The following SELENOI variants were observed in gnomAD, a reference collection of about 807,000 sequenced individuals.
The protein encoded by SELENOI is ethanolaminephosphotransferase 1.
SELENOI carries 24 observed loss-of-function variants against 50.7 expected under a neutral mutation model. The ratio of observed to expected loss-of-function variants is 0.47; its 90% CI spans 0.34 to 0.67. SELENOI has a LOEUF of 0.67. Ranked by LOEUF, SELENOI falls within the 30% of genes least tolerant of loss-of-function variation. The pLI, the probability that SELENOI is intolerant of heterozygous loss-of-function variation, is 0.01. For synonymous variants in SELENOI, 155 were observed against 170.2 expected, an observed-to-expected ratio of 0.91 and a Z score of 0.70; for missense variants, 352 against 461.4, an observed-to-expected ratio of 0.76 and a Z score of 2.17.
chr2:26,373,386 AGCTC>A lies in SELENOI; in HGVS notation c.333_336del (p.Arg112GlufsTer8). The A allele has an allele frequency of 6.2e-7, 1 of 1,610,770 alleles. No individual in the cohort carries two copies. The highest frequency in any genetic ancestry group is 8.5e-7 in the Non-Finnish European group (1 of 1,178,138). On this transcript the variant is annotated frameshift_variant, in exon 5 of 10. Coordinates refer to ENST00000260585, the MANE Select transcript of SELENOI (RefSeq NM_033505.4). LOFTEE classifies it high-confidence loss of function. The stretch of plus-strand genomic sequence containing the variant: ...TTGCAGATGGTGTGGACGGAAAGCA[AGCTC>A]GCAGAACCAATTCTAGCACTCCCTT...
Position 26,383,311 on chromosome 2 carries a change from G to A in SELENOI, c.695G>A (p.Cys232Tyr), listed in dbSNP as rs1480569440. 2.0e-6 allele frequency: 3 copies of A among 1,538,406 alleles called. 1 individual carries two copies. The South Asian group carries it at 3.6e-5, about 18-fold the overall frequency. ...TTATTCCCTTTAGGTTGTGCATTAT[G>A]TGTGACTCTTCCAATGAGTTTATTA... ...FTAMIIGCAL[C>Y]VTLPMSLLNF... Residue 232 changes from cysteine (C) to tyrosine (Y), a missense_variant, in exon 7 of 10, where the codon TGT (cysteine) becomes TAT (tyrosine). Coordinates refer to ENST00000260585, the MANE Select transcript of SELENOI (RefSeq NM_033505.4).
chr2:26,355,129 A>G (rs550321882), intron 1 of SELENOI, among the ~76,000 whole-genome samples: 4 of 152,242 alleles, frequency 2.6e-5, no homozygotes, highest in Admixed American at 6.5e-5. Flanking sequence ...ATAGTGCTGT[A>G]TAAGTGCTGA....
At chr2:26,359,474 C>T (rs1677130653) in intron 1 of SELENOI, among the ~76,000 whole-genome samples, 1 of 152,090 alleles carries the variant, frequency 6.6e-6, no homozygotes, top group African/African-American at 2.4e-5. Context: ...GAAACCGCGA[C>T]TCTACTAAAA....
intron 9 of SELENOI, among the ~76,000 whole-genome samples, chr2:26,386,767 G>T (rs1442228077): frequency 6.6e-6 from 1 of 152,158 alleles, no homozygotes; most frequent in East Asian, 1.9e-4. Context: ...TTTAAAGCTG[G>T]ATAATTATTG....
intron 1 of SELENOI, among the ~76,000 whole-genome samples, chr2:26,354,547 CG>C (rs1406563288): frequency 6.6e-6 from 1 of 151,494 alleles, no homozygotes; most frequent in Non-Finnish European, 1.5e-5. Context: ...CCACCACGCC[CG>C]GCTAATTTTT....
At chr2:26,386,317 CT>C (rs764068337) in intron 8 of SELENOI, 36 bp from the exon 9 acceptor site, 17 of 1,579,044 alleles carry the variant, frequency 1.1e-5, no homozygotes, top group Non-Finnish European at 1.5e-5. Flanking sequence ...TGAAATTTTT[CT>C]TTTTTTCTCT....
intron 7 of SELENOI, among the ~76,000 whole-genome samples, chr2:26,384,661 A>G (rs561024594): frequency 3.7e-4 from 56 of 152,290 alleles, no homozygotes; most frequent in South Asian, 2.1e-3. Flanking sequence ...TCATCTTTAT[A>G]TTCTTAGCAC....
chr2:26,351,806 T>C (rs996707322), intron 1 of SELENOI, among the ~76,000 whole-genome samples: 3 of 152,176 alleles, frequency 2.0e-5, no homozygotes, highest in Non-Finnish European at 2.9e-5. Flanking sequence ...TGGCTCTCTT[T>C]GGGAGATACA....
intron 7 of SELENOI, 85 bp from the exon 8 acceptor site, chr2:26,384,874 A>C: frequency 1.1e-6 from 1 of 935,038 alleles, no homozygotes; most frequent in Non-Finnish European, 1.5e-6. Context: ...TAAGTGTATA[A>C]ATAAGGAAAC....
chr2:26,372,215 C>T (rs1158227123), intron 4 of SELENOI, among the ~76,000 whole-genome samples: 2 of 152,116 alleles, frequency 1.3e-5, no homozygotes, highest in Non-Finnish European at 2.9e-5. Context: ...TGGGTTCAAG[C>T]GATTCTCCTG....
chr2:26,377,589 G>T (rs547507139), intron 6 of SELENOI, among the ~76,000 whole-genome samples: 94 of 151,954 alleles, frequency 6.2e-4, no homozygotes, highest in African/African-American at 2.2e-3. Flanking sequence ...CTGTAATTGT[G>T]CCACTGTACT....
At chr2:26,350,790 A>G (rs557264175) in intron 1 of SELENOI, among the ~76,000 whole-genome samples, 18 of 152,326 alleles carry the variant, frequency 1.2e-4, no homozygotes, top group African/African-American at 4.3e-4. Context: ...AGGTGAAGGC[A>G]AAGCTCAGTC....
At chr2:26,375,589 C>T (rs1053274310) in intron 6 of SELENOI, among the ~76,000 whole-genome samples, 3 of 152,090 alleles carry the variant, frequency 2.0e-5, no homozygotes, top group Admixed American at 1.3e-4. Flanking sequence ...CTTTCTTAAC[C>T]CACTGATTGC....
intron 1 of SELENOI, 196 bp downstream of exon 1, chr2:26,346,485 G>A (rs1676765692): frequency 1.8e-6 from 1 of 561,564 alleles, no homozygotes; most frequent in South Asian, 2.7e-5. Flanking sequence ...GCCGCCCGTA[G>A]TCGGCACCCC....
intron 6 of SELENOI, among the ~76,000 whole-genome samples, chr2:26,378,369 A>G: frequency 6.6e-6 from 1 of 152,142 alleles, no homozygotes; most frequent in Non-Finnish European, 1.5e-5. Flanking sequence ...CAAGCACAGC[A>G]TCTCCTCTAC....
chr2:26,364,427 C>G, intron 2 of SELENOI, 57 bp downstream of exon 2: 1 of 1,159,450 alleles, frequency 8.6e-7, no homozygotes, highest in Non-Finnish European at 1.2e-6. Flanking sequence ...AGATTTTAAC[C>G]TATTTTATGG....
intron 4 of SELENOI, among the ~76,000 whole-genome samples, chr2:26,371,425 C>A (rs370823170): frequency 6.6e-6 from 1 of 150,576 alleles, no homozygotes; most frequent in African/African-American, 2.4e-5. Flanking sequence ...TGATGGCGGC[C>A]GGGAAGAGGC....
intron 8 of SELENOI, among the ~76,000 whole-genome samples, chr2:26,385,718 G>T (rs1020504997): frequency 1.3e-5 from 2 of 152,170 alleles, no homozygotes; most frequent in Admixed American, 6.5e-5. Context: ...TCTAGCTCAG[G>T]CTGGGTCCTT....
intron 7 of SELENOI, among the ~76,000 whole-genome samples, chr2:26,384,011 C>T (rs76369762): frequency 1.3e-5 from 2 of 152,196 alleles, no homozygotes; most frequent in Admixed American, 1.3e-4. Context: ...GGGAGATGCT[C>T]AGGTGGAGTT....
Sources: allele counts gnomAD v4.1 joint callset (sites outside exome capture counted in the v4.1 genomes callset), GRCh38; gene constraint gnomAD v4.1.1; transcripts MANE v1.5; gene names NCBI Gene and HGNC (gene_info 2026-07-23, HGNC 2026-07-21).